CHD7: variants seen among roughly 807,000 people sequenced by gnomAD.
CHD7 encodes chromodomain helicase DNA binding protein 7.
In CHD7, 24 loss-of-function variants were observed where a neutral mutation model predicts 307.3. That is an observed-to-expected ratio of 0.08 (90% CI 0.06 to 0.11). CHD7 has a LOEUF of 0.11. Ranked by LOEUF, CHD7 falls within the 10% of genes least tolerant of loss-of-function variation. The pLI is 1.00. For synonymous variants in CHD7, 1,363 were observed against 1,349.9 expected (o/e 1.01, Z -0.21); for missense variants, 3,106 against 3,727.1 (o/e 0.83, Z 4.34).
intron 15 of CHD7, among the ~76,000 whole-genome samples, chr8:60,835,753 C>G (rs1233518820): frequency 6.6e-6 from 1 of 152,160 alleles, no homozygotes; most frequent in Admixed American, 6.5e-5. Flanking sequence ...AGGTATCTGG[C>G]CCTTGGCTTG....
At chr8:60,824,720 T>C (rs1306700642) in intron 13 of CHD7, 2 of 152,202 alleles carry the variant, frequency 1.3e-5, no homozygotes, top group East Asian at 3.8e-4. Flanking sequence ...TCAGATTTGA[T>C]CTGGAGTTTT....
intron 2 of CHD7, among the ~76,000 whole-genome samples, chr8:60,762,782 GC>G (rs1810281781): frequency 1.3e-5 from 2 of 152,160 alleles, no homozygotes; most frequent in African/African-American, 4.8e-5. Context: ...CAGTGTGTGG[GC>G]ACATACATTC....
chr8:60,738,753 C>G (rs1174658802), intron 1 of CHD7, among the ~76,000 whole-genome samples: 2 of 152,124 alleles, frequency 1.3e-5, no homozygotes, highest in Non-Finnish European at 2.9e-5. Context: ...TAATGGCAGA[C>G]TGCAAAGCCA....
At chr8:60,751,653 T>G (rs1809647231) in intron 2 of CHD7, among the ~76,000 whole-genome samples, 1 of 152,244 alleles carries the variant, frequency 6.6e-6, no homozygotes, top group African/African-American at 2.4e-5. Context: ...TCCTTTTGCC[T>G]TGTAAAACTT....
intron 2 of CHD7, among the ~76,000 whole-genome samples, chr8:60,748,105 C>G (rs1289385089): frequency 2.0e-5 from 3 of 152,108 alleles, no homozygotes. Flanking sequence ...AACAATCTTG[C>G]TGTGTGAGCA....
intron 1 of CHD7, among the ~76,000 whole-genome samples, chr8:60,698,062 A>G (rs141878502): frequency 1.3e-5 from 2 of 152,374 alleles, no homozygotes; most frequent in African/African-American, 4.8e-5. Flanking sequence ...CCAAAAATCT[A>G]TTAAAACTCA....
intron 15 of CHD7, 29 bp from the exon 16 acceptor site, chr8:60,836,044 A>G (rs945851159): frequency 1.3e-6 from 2 of 1,535,390 alleles, no homozygotes. Flanking sequence ...CTTTTACAGT[A>G]TTCACGTTAT....
At position 60,761,333 on chromosome 8, in the gene CHD7, G is replaced by T. The variant is rs993335408; in HGVS notation, c.1665+18236G>T. The stretch of plus-strand genomic sequence containing the variant: ...CAGGAAGGGGAACATCACACTCTGG[G>T]GACTGTTGTGGGGTGGGGGGAGGGG... On this transcript the variant is annotated intron_variant, in intron 2 of 37. Coordinates refer to ENST00000423902, the MANE Select transcript of CHD7 (RefSeq NM_017780.4). 3.9e-5 allele frequency among the ~76,000 whole-genome samples: 5 copies of T among 128,868 alleles called. No homozygotes were observed. In the East Asian group the frequency reaches 1.2e-3, roughly 30 times the overall value. 84.5% of individuals were successfully genotyped at this position (128,868 alleles called of 152,430 possible).
intron 1 of CHD7, among the ~76,000 whole-genome samples, chr8:60,681,527 T>C (rs1805627745): frequency 6.6e-6 from 1 of 152,204 alleles, no homozygotes; most frequent in Non-Finnish European, 1.5e-5. Context: ...TCAGGAAAAG[T>C]TTATTTTCCC....
At chr8:60,720,780 TAATGGGGGTA>T (rs201030083) in intron 1 of CHD7, among the ~76,000 whole-genome samples, 2,180 of 152,292 alleles carry the variant, frequency 0.014, 26 homozygotes, top group Non-Finnish European at 0.024. Context: ...TCCTTTCCTC[TAATGGGGGTA>T]ACAAGGATTA....
intron 4 of CHD7, among the ~76,000 whole-genome samples, chr8:60,800,131 C>G (rs375374258): frequency 6.6e-6 from 1 of 151,912 alleles, no homozygotes; most frequent in African/African-American, 2.4e-5. Flanking sequence ...CGTGGGTTCG[C>G]GCCATTCTCC....
At chr8:60,751,014 A>G (rs1809616166) in intron 2 of CHD7, among the ~76,000 whole-genome samples, 1 of 152,200 alleles carries the variant, frequency 6.6e-6, no homozygotes, top group African/African-American at 2.4e-5. Flanking sequence ...TCAGTTCTTG[A>G]CAAGATACGT....
intron 7 of CHD7, among the ~76,000 whole-genome samples, chr8:60,816,137 C>CTG (rs1444029616): frequency 2.0e-4 from 31 of 151,786 alleles, no homozygotes; most frequent in African/African-American, 7.5e-4. Flanking sequence ...CTCTCTCTCT[C>CTG]TCTCTCTCTC....
Position 60,848,624 on chromosome 8 carries a change from T to C in CHD7, c.5300+20T>C, listed in dbSNP as rs756254453. The C allele has an allele frequency of 1.3e-6, 2 of 1,586,164 alleles. No individual in the cohort carries two copies. The highest frequency in any genetic ancestry group is 3.4e-5 in the Admixed American group (2 of 59,418). On this transcript the variant is annotated intron_variant, in intron 24 of 37. Transcript: ENST00000423902. ...CTCAAGGTTAGTGCGAGCTCACATT[T>C]GTTCTCAACCTCAGTGAGATAATCT...
intron 3 of CHD7, among the ~76,000 whole-genome samples, chr8:60,793,929 C>A (rs1811891247): frequency 6.6e-6 from 1 of 152,142 alleles, no homozygotes; most frequent in South Asian, 2.1e-4. Context: ...TCAAGACCAG[C>A]ATGACCAACA....
intron 34 of CHD7, among the ~76,000 whole-genome samples, chr8:60,857,372 A>G (rs912840120): frequency 2.0e-5 from 3 of 152,236 alleles, no homozygotes; most frequent in African/African-American, 7.2e-5. Context: ...ATAGGTTTGA[A>G]TAGAATGTGT....
intron 1 of CHD7, among the ~76,000 whole-genome samples, chr8:60,698,810 A>G (rs1261540563): frequency 1.3e-5 from 2 of 152,030 alleles, no homozygotes; most frequent in Non-Finnish European, 2.9e-5. Flanking sequence ...TTTTTGAGGT[A>G]GGGTCTTGGT....
chr8:60,848,350 CAG>C (rs1805302740), intron 23 of CHD7, among the ~76,000 whole-genome samples, 163 bp from the exon 24 acceptor site: 1 of 152,222 alleles, frequency 6.6e-6, no homozygotes, highest in African/African-American at 2.4e-5. Flanking sequence ...AAGCACCACA[CAG>C]AGGTGATTAT....
At chr8:60,696,142 C>T (rs1261977510) in intron 1 of CHD7, among the ~76,000 whole-genome samples, 1 of 152,180 alleles carries the variant, frequency 6.6e-6, no homozygotes, top group Non-Finnish European at 1.5e-5. Context: ...TACAAAAGAA[C>T]ATACTAACTG....
Sources: allele counts gnomAD v4.1 joint callset (sites outside exome capture counted in the v4.1 genomes callset), GRCh38; gene constraint gnomAD v4.1.1; transcripts MANE v1.5; gene names NCBI Gene and HGNC (gene_info 2026-07-23, HGNC 2026-07-21).